MIB2: variants seen among roughly 807,000 people sequenced by gnomAD.
MIB2 encodes the protein MIB E3 ubiquitin protein ligase 2.
In MIB2, 78 loss-of-function variants were observed where a neutral mutation model predicts 96.6. The ratio of observed to expected loss-of-function variants is 0.81; its 90% CI spans 0.67 to 0.97. The LOEUF (loss-of-function observed/expected upper bound fraction) is 0.97, where lower values mean the gene tolerates loss of function less well. Among genes scored for constraint, MIB2 ranks in the 50% least tolerant of loss-of-function variants. The pLI is 0.00. For missense variants in MIB2, 1,543 were observed against 1,424.0 expected, an observed-to-expected ratio of 1.08 and a Z score of -1.35; for synonymous variants, 820 against 629.5, an observed-to-expected ratio of 1.30 and a Z score of -4.53.
chr1:1,615,896 G>A (rs1298465942), intron 1 of MIB2: 1 of 1,035,758 alleles, frequency 9.7e-7, no homozygotes, highest in Non-Finnish European at 1.2e-6. Flanking sequence ...CAGCGGCGCT[G>A]GGGTCGGCGC....
At position 1,626,494 on chromosome 1, in the gene MIB2, A is replaced by T. The variant is rs1451177127; in HGVS notation, c.973-156A>T. The T allele has an allele frequency of 4.7e-6, 3 of 637,518 alleles. No individual in the cohort carries two copies. The African/African-American group carries it at 5.5e-5, about 12-fold the overall frequency. 39.5% of individuals were successfully genotyped at this position (637,518 alleles called of 1,614,324 possible). A position where few individuals can be genotyped will look rare whatever the true frequency, so the allele number is the denominator to read the frequency against. On this transcript the variant is annotated intron_variant, in intron 8 of 19. Transcript: ENST00000355826. The surrounding 1 kb of genome is among the most constrained non-coding windows in gnomAD (Gnocchi z 5.3). The stretch of plus-strand genomic sequence containing the variant: ...CCTTGGACACCTGGGGCTCTCGTCC[A>T]GCCAGAGCCTCTGGCAGTGCCTGGG...
Position 1,625,332 on chromosome 1 carries a change from C to G in MIB2, c.768C>G (p.Pro256=), listed in dbSNP as rs1644642337. The G allele has an allele frequency of 2.5e-6, 4 of 1,579,232 alleles. No homozygotes were observed. The South Asian group carries it at 4.6e-5, about 18-fold the overall frequency. The change falls in exon 7 of 20, where the codon CCC becomes CCG. Residue 256 remains proline (P), a synonymous_variant. Transcript: ENST00000355826. The surrounding 1 kb of genome is among the most constrained non-coding windows in gnomAD (Gnocchi z 5.0). The part of the protein sequence containing the change: ...LQRRVSADSQ[P]FQHGDKVKCL... ...GCAGGGTGAGTGCTGACAGCCAGCCCTTCCAGCACGGGGACAAGGTCAAGT... is the reference window on the plus strand; with the variant it reads ...GCAGGGTGAGTGCTGACAGCCAGCCGTTCCAGCACGGGGACAAGGTCAAGT...
At position 1,629,201 on chromosome 1, in the gene MIB2, G is replaced by A; in HGVS notation, c.2271G>A (p.Ala757=). Residue 757 remains alanine, a synonymous_variant, in exon 17 of 20, where the codon GCG becomes GCA. Coordinates refer to ENST00000355826, the MANE Select transcript of MIB2 (RefSeq NM_001170687.4). ...GCGCGGCGGTCGCCTGCTTCCTGGC[G>A]CTGGAGGGCGCCGACGTGAGCTACA... ...TVGAAVACFL[A]LEGADVSYTN... 1.3e-6 allele frequency: 2 copies of A among 1,522,448 alleles called. No homozygotes were observed. The highest frequency in any genetic ancestry group is 1.7e-6 in the Non-Finnish European group (2 of 1,144,044). The allele number at this position is 1,522,448 out of a possible 1,614,324, so 94.3% of individuals were successfully genotyped here.
In MIB2 at chr1:1,622,713, C is replaced by CT. The variant is rs1346701350; in HGVS notation, c.-22-717dup. ...CTGCCTCTGCTCGAGTATCCGGCCTCTGTCGTGAGTGCCTTGCGTGGCCAG... is the reference window on the plus strand; with the variant it reads ...CTGCCTCTGCTCGAGTATCCGGCCTCTTGTCGTGAGTGCCTTGCGTGGCCAG... On this transcript the variant is annotated intron_variant, in intron 2 of 19. Transcript: ENST00000355826. Among the ~76,000 whole-genome samples the CT allele has an allele frequency of 2.0e-5, 3 of 152,318 alleles. No homozygotes were observed. In the East Asian group the frequency reaches 5.8e-4, roughly 29 times the overall value.
In MIB2 at chr1:1,625,467, T is replaced by TACC; in HGVS notation, c.864+39_864+40insACC. 6.5e-7 allele frequency: 1 copy of TACC among 1,538,678 alleles called. No individual in the cohort carries two copies. The highest frequency in any genetic ancestry group is 8.8e-7 in the Non-Finnish European group (1 of 1,134,420). On this transcript the variant is annotated intron_variant, in intron 7 of 19. Transcript: ENST00000355826. The surrounding 1 kb of genome is among the most constrained non-coding windows in gnomAD (Gnocchi z 5.0). The stretch of plus-strand genomic sequence containing the variant: ...CCGTGGAGCCCTGTGTGCCCTGCCC[T>TACC]CCCAGCCCTCCGCCCCCTCAGCCCC...
rs74047806 is a variant in MIB2, at chr1:1,620,249, G to A, written c.-22-3182G>A. On this transcript the variant is annotated intron_variant, in intron 2 of 19. Transcript: ENST00000355826. ...GGCTGTGGCTGAGAGTCTGGGCGCA[G>A]AGACAGAAGGCGCCCCCTGCTGCAG... Among the ~76,000 whole-genome samples the A allele has an allele frequency of 2.1e-3, 319 of 152,372 alleles. 3 individuals are homozygous for A. Among genetic ancestry groups the A allele is most frequent in the African/African-American group, 7.4e-3 (308 of 41,586 alleles).
intron 2 of MIB2, chr1:1,623,073 A>G (rs1442741795): frequency 5.0e-6 from 2 of 399,490 alleles, no homozygotes; most frequent in Non-Finnish European, 9.0e-6. Flanking sequence ...ACTTTAGTGA[A>G]GTCCAGTGTC....
At chr1:1,624,035 A>C in intron 4 of MIB2, 90 bp downstream of exon 4, 1 of 1,406,904 alleles carries the variant, frequency 7.1e-7, no homozygotes, top group Non-Finnish European at 9.6e-7. Flanking sequence ...CTGCCTCCTG[A>C]CCGCTCCCAG....
In MIB2 at chr1:1,629,264, C is replaced by A. The variant is rs374142962; in HGVS notation, c.2334C>A (p.Ala778=). Residue 778 remains alanine (A), a synonymous_variant, in exon 17 of 20, where the codon GCC becomes GCA. Transcript: ENST00000355826. ...GTCGGAGCCCGCTGGACCTGGCCGC[C>A]GAGGGTCGCGTGCTCAAGGCCCTTC... ...HRGRSPLDLA[A]EGRVLKALQG... The A allele has an allele frequency of 3.9e-6, 6 of 1,543,972 alleles. No individual in the cohort carries two copies. Among genetic ancestry groups the A allele is most frequent in the Non-Finnish European group, 5.2e-6 (6 of 1,156,816 alleles).
chr1:1,623,545 C>A lies in MIB2; in HGVS notation c.93C>A (p.Gly31=). Residue 31 remains glycine (G), a synonymous_variant, in exon 3 of 20, where the codon GGC becomes GGA. Coordinates refer to ENST00000355826, the MANE Select transcript of MIB2 (RefSeq NM_001170687.4). Reference sequence around the variant, plus strand: ...GGGGCCAGCAGGACGGCGGCGAGGGCGGCGTGGGCACGGTGGTGGAGCTTG... The same window carrying A: ...GGGGCCAGCAGGACGGCGGCGAGGGAGGCGTGGGCACGGTGGTGGAGCTTG... ...WKWGQQDGGE[G]GVGTVVELGR... The A allele has an allele frequency of 6.5e-7, 1 of 1,534,684 alleles. No individual in the cohort carries two copies. Among genetic ancestry groups the A allele is most frequent in the Non-Finnish European group, 8.7e-7 (1 of 1,143,030 alleles).
intron 2 of MIB2, chr1:1,618,908 C>G (rs959168510): frequency 6.6e-6 from 1 of 152,662 alleles, no homozygotes; most frequent in African/African-American, 2.4e-5. Context: ...GCCTCCTGCC[C>G]CCACCACAAA....
In MIB2 at chr1:1,627,403, G is replaced by A. The variant is rs749128751; in HGVS notation, c.1482G>A (p.Pro494=). ...AAGCCAGGGCGGGCGTGGACCTGCC[G>A]GACGACGAGGGCAACACGGCACTGC... ...LLQARAGVDL[P]DDEGNTALHY... The change falls in exon 12 of 20, where the codon CCG becomes CCA. Residue 494 remains proline, a synonymous_variant. Coordinates refer to ENST00000355826, the MANE Select transcript of MIB2 (RefSeq NM_001170687.4). The A allele has an allele frequency of 3.3e-5, 54 of 1,612,926 alleles. No homozygotes were observed. Among genetic ancestry groups the A allele is most frequent in the South Asian group, 5.5e-5 (5 of 91,078 alleles).
chr1:1,627,823 C>G lies in MIB2; in HGVS notation c.1674C>G (p.Asn558Lys). ...TGTGTGAGCGCGGCTGTGACGTCAA[C>G]CTGCCCGTGAGTGCTGCTCCCTGGC... ...RALCERGCDV[N>K]LPDAHSDTPL... Residue 558 changes from asparagine to lysine, a missense_variant, in exon 13 of 20, where the codon AAC becomes AAG. Coordinates refer to ENST00000355826, the MANE Select transcript of MIB2 (RefSeq NM_001170687.4). 3 of 1,593,308 alleles carry G rather than the reference C, an allele frequency of 1.9e-6. No homozygotes were observed. The highest frequency in any genetic ancestry group is 1.7e-6 in the Non-Finnish European group (2 of 1,179,398).
chr1:1,619,209 C>A (rs911060061), intron 2 of MIB2: 21 of 152,254 alleles, frequency 1.4e-4, no homozygotes, highest in African/African-American at 4.8e-4. Flanking sequence ...CCCGTCTCTA[C>A]TAAAAAATAG....
At chr1:1,628,222 G>A in intron 14 of MIB2, 43 bp downstream of exon 14, 1 of 1,612,380 alleles carries the variant, frequency 6.2e-7, no homozygotes, top group Non-Finnish European at 8.5e-7. Context: ...GCCTCTTGCT[G>A]TGCTGCCTGG....
chr1:1,621,898 G>A (rs1644292369), intron 2 of MIB2, among the ~76,000 whole-genome samples: 1 of 152,238 alleles, frequency 6.6e-6, no homozygotes, highest in Admixed American at 6.5e-5. Flanking sequence ...CTTGCTCGGG[G>A]GACAACCTGT....
At position 1,629,183 on chromosome 1, in the gene MIB2, G is replaced by A. The variant is rs747626467; in HGVS notation, c.2253G>A (p.Ala751=). 8 of 1,509,058 alleles carry A rather than the reference G, an allele frequency of 5.3e-6. No homozygotes were observed. In the Admixed American group the frequency reaches 6.2e-5, roughly 12 times the overall value. 93.5% of individuals were successfully genotyped at this position (1,509,058 alleles called of 1,614,324 possible). A position where few individuals can be genotyped will look rare whatever the true frequency, so the allele number is the denominator to read the frequency against. ...GCGCGGAGCTGACGGTGGGCGCGGC[G>A]GTCGCCTGCTTCCTGGCGCTGGAGG... ...PGSAELTVGA[A]VACFLALEGA... Residue 751 remains alanine, a synonymous_variant, in exon 17 of 20, where the codon GCG becomes GCA. Coordinates refer to ENST00000355826, the MANE Select transcript of MIB2 (RefSeq NM_001170687.4).
At chr1:1,615,752 C>A in intron 1 of MIB2, 119 bp downstream of exon 1, 13 of 1,453,468 alleles carry the variant, frequency 8.9e-6, no homozygotes, top group Middle Eastern at 2.4e-4. Context: ...CAGCCCCGGG[C>A]TGGACTCGGC....
intron 19 of MIB2, 130 bp from the exon 20 acceptor site, chr1:1,630,162 G>GC: frequency 1.7e-4 from 21 of 121,978 alleles, no homozygotes; most frequent in South Asian, 8.8e-4. Flanking sequence ...CACCCACCCC[G>GC]CCAGCCCCCC....
Sources: gnomAD v4.1 joint callset for allele counts (sites outside exome capture counted in the v4.1 genomes callset) on GRCh38, gnomAD v4.1.1 for gene constraint, Gnocchi (gnomAD v3.1) non-coding constraint, MANE v1.5 for transcripts, NCBI Gene and HGNC (gene_info 2026-07-23, HGNC 2026-07-21) for gene names.